Variants in MAGI1 observed in about 807,000 individuals in gnomAD.
MAGI1 encodes the protein membrane-associated guanylate kinase, WW and PDZ domain-containing protein 1.
Under a neutral mutation model 139.9 loss-of-function variants are expected in MAGI1, and 58 were observed. The ratio of observed to expected loss-of-function variants is 0.41; its 90% confidence interval spans 0.34 to 0.52. MAGI1 has a LOEUF of 0.52. Ranked by LOEUF, MAGI1 falls within the 20% of genes least tolerant of loss-of-function variation. MAGI1 has a pLI of 0.12. For synonymous variants in MAGI1, 812 were observed against 737.9 expected, an observed-to-expected ratio of 1.10 and a Z score of -1.63; for missense variants, 1,874 against 1,901.6, an observed-to-expected ratio of 0.99 and a Z score of 0.27.
intron 1 of MAGI1, among the ~76,000 whole-genome samples, chr3:65,741,105 G>C (rs1316608302): frequency 2.6e-5 from 4 of 151,958 alleles, no homozygotes; most frequent in African/African-American, 7.2e-5. Flanking sequence ...AAAGACTATG[G>C]TTATGACCAG....
chr3:65,403,547 A>T (rs1945080065), intron 12 of MAGI1, among the ~76,000 whole-genome samples: 1 of 152,204 alleles, frequency 6.6e-6, no homozygotes, highest in African/African-American at 2.4e-5. Flanking sequence ...CTTTAAATTC[A>T]TATTTTCTCC....
chr3:65,995,752 G>T (rs540858587), intron 1 of MAGI1, among the ~76,000 whole-genome samples: 1 of 152,292 alleles, frequency 6.6e-6, no homozygotes, highest in Admixed American at 6.5e-5. Context: ...TAATTATTCA[G>T]TGCATTCATT....
At chr3:65,790,039 A>C (rs541991082) in intron 1 of MAGI1, among the ~76,000 whole-genome samples, 1 of 152,342 alleles carries the variant, frequency 6.6e-6, no homozygotes, top group South Asian at 2.1e-4. Flanking sequence ...CTTTTACTTC[A>C]AAACTTACAG....
chr3:65,619,682 T>C (rs544433324), intron 2 of MAGI1, among the ~76,000 whole-genome samples: 2 of 152,202 alleles, frequency 1.3e-5, no homozygotes, highest in African/African-American at 4.8e-5. Context: ...ACATGGGCCA[T>C]AGAATCAAAA....
At chr3:65,667,600 C>A (rs1018855211) in intron 1 of MAGI1, among the ~76,000 whole-genome samples, 3 of 152,122 alleles carry the variant, frequency 2.0e-5, no homozygotes, top group African/African-American at 7.2e-5. Context: ...GAGACAGGAT[C>A]TCATTTTTTC....
chr3:65,714,262 T>C (rs2107661289), intron 1 of MAGI1, among the ~76,000 whole-genome samples: 1 of 152,278 alleles, frequency 6.6e-6, no homozygotes, highest in South Asian at 2.1e-4. Flanking sequence ...GACCCCTGAA[T>C]GTTCCTGCAA....
chr3:65,363,354 A>G, intron 21 of MAGI1, 111 bp downstream of exon 21: 1 of 1,287,992 alleles, frequency 7.8e-7, no homozygotes. Flanking sequence ...GAGAATCATG[A>G]AAGCTATAGA....
At chr3:65,407,013 A>AAG (rs1945393095) in intron 12 of MAGI1, among the ~76,000 whole-genome samples, 2 of 152,330 alleles carry the variant, frequency 1.3e-5, no homozygotes, top group Non-Finnish European at 2.9e-5. Flanking sequence ...TCAATGCATA[A>AAG]TTCTAAATGT....
intron 2 of MAGI1, among the ~76,000 whole-genome samples, chr3:65,574,892 T>C (rs748075583): frequency 6.6e-6 from 1 of 152,006 alleles, no homozygotes; most frequent in Admixed American, 6.6e-5. Context: ...ACTAAAACAA[T>C]TGGACTTTCA....
At chr3:65,545,119 T>TTG (rs1478704541) in intron 2 of MAGI1, among the ~76,000 whole-genome samples, 2 of 152,116 alleles carry the variant, frequency 1.3e-5, no homozygotes, top group Non-Finnish European at 2.9e-5. Flanking sequence ...ATATGAAAAC[T>TTG]TCAGACACAA....
At chr3:66,027,001 G>A (rs1436966868) in intron 1 of MAGI1, among the ~76,000 whole-genome samples, 1 of 150,922 alleles carries the variant, frequency 6.6e-6, no homozygotes, top group African/African-American at 2.4e-5. Context: ...TGGGCGCGGT[G>A]GCTCACACTT....
intron 13 of MAGI1, among the ~76,000 whole-genome samples, chr3:65,397,636 T>C (rs1035986442): frequency 6.6e-6 from 1 of 152,298 alleles, no homozygotes; most frequent in Admixed American, 6.5e-5. Flanking sequence ...GTTTCCTATG[T>C]TGCCTAGGCT....
intron 1 of MAGI1, among the ~76,000 whole-genome samples, chr3:65,749,101 A>G (rs893931471): frequency 1.3e-5 from 2 of 152,268 alleles, no homozygotes; most frequent in Non-Finnish European, 1.5e-5. Flanking sequence ...CAGCCATCCA[A>G]TTCTCTACAG....
At chr3:65,706,012 C>T (rs1023164494) in intron 1 of MAGI1, among the ~76,000 whole-genome samples, 1 of 152,200 alleles carries the variant, frequency 6.6e-6, no homozygotes, top group Non-Finnish European at 1.5e-5. Context: ...CTGTAAAGTA[C>T]AAACTGACTG....
At chr3:65,400,753 T>A (rs1180165876) in intron 13 of MAGI1, among the ~76,000 whole-genome samples, 1 of 29,574 alleles carries the variant, frequency 3.4e-5, no homozygotes, top group Non-Finnish European at 7.8e-5. Flanking sequence ...AACATTGATT[T>A]TTTTTTTTTT....
chr3:65,601,202 G>C (rs1214125869), intron 2 of MAGI1, among the ~76,000 whole-genome samples: 2 of 152,158 alleles, frequency 1.3e-5, no homozygotes, highest in South Asian at 2.1e-4. Flanking sequence ...CAAGCATATA[G>C]CTCTGTTGGA....
chr3:65,967,515 T>A (rs2107150073), intron 1 of MAGI1, among the ~76,000 whole-genome samples: 1 of 152,292 alleles, frequency 6.6e-6, no homozygotes, highest in African/African-American at 2.4e-5. Flanking sequence ...AGTTACAGGT[T>A]GCCCCAACTG....
intron 1 of MAGI1, among the ~76,000 whole-genome samples, chr3:65,633,611 T>C (rs1002305849): frequency 2.0e-5 from 3 of 152,220 alleles, no homozygotes; most frequent in Non-Finnish European, 4.4e-5. Flanking sequence ...AAAATTTGAA[T>C]TAAGCATGGA....
At chr3:65,357,159 A>G (rs552891020) in intron 22 of MAGI1, 27 bp from the exon 23 acceptor site, 13 of 1,580,058 alleles carry the variant, frequency 8.2e-6, no homozygotes, top group African/African-American at 1.3e-5. Flanking sequence ...CGAGAGCAAC[A>G]GTTGGGTACG....
Sources: allele counts gnomAD v4.1 joint callset (sites outside exome capture counted in the v4.1 genomes callset), GRCh38; gene constraint gnomAD v4.1.1; transcripts MANE v1.5; gene names NCBI Gene and HGNC (gene_info 2026-07-23, HGNC 2026-07-21).